TCAIM: variants seen among roughly 807,000 people sequenced by gnomAD.
The protein encoded by TCAIM is T cell activation inhibitor, mitochondrial.
In TCAIM, 36 loss-of-function variants were observed where a neutral mutation model predicts 58.6. The observed-to-expected ratio is 0.61, with a 90% CI of 0.47 to 0.81. The LOEUF is 0.81. TCAIM is among the 30% of genes least tolerant of loss of function. TCAIM has a pLI of 0.00. For missense variants in TCAIM, 466 were observed against 579.6 expected (o/e 0.80, Z 2.01); for synonymous variants, 172 against 193.6 (o/e 0.89, Z 0.93).
At chr3:44,379,917 G>A (rs572489572) in intron 5 of TCAIM, among the ~76,000 whole-genome samples, 1 of 151,986 alleles carries the variant, frequency 6.6e-6, no homozygotes, top group African/African-American at 2.4e-5. Flanking sequence ...GGAGGGAGAG[G>A]ATCAGGAACA....
chr3:44,361,481 G>C lies in TCAIM; in HGVS notation c.282G>C (p.Gln94His), dbSNP rs1478362529. The part of the protein sequence containing the change: ...QLTFYVRETD[Q>H]SSSDGQEPFS... The stretch of plus-strand genomic sequence containing the variant: ...CATTTTATGTAAGAGAAACAGACCA[G>C]AGTTCCTCCGATGGCCAGGAACCTT... The change falls in exon 4 of 11, where the codon CAG becomes CAC. Residue 94 changes from glutamine (Q) to histidine (H), a missense_variant. Physicochemically the swap from Gln to His is conservative, Grantham distance 24. Coordinates refer to ENST00000342649, the MANE Select transcript of TCAIM (RefSeq NM_173826.4). 2.1e-5 allele frequency: 34 copies of C among 1,607,618 alleles called. No individual in the cohort carries two copies. Among genetic ancestry groups the C allele is most frequent in the Non-Finnish European group, 2.9e-5 (34 of 1,177,616 alleles).
At chr3:44,388,273 A>G (rs1052560261) in intron 5 of TCAIM, among the ~76,000 whole-genome samples, 1 of 152,196 alleles carries the variant, frequency 6.6e-6, no homozygotes, top group African/African-American at 2.4e-5. Context: ...CTTTATTAGG[A>G]AAAGAAAATC....
At chr3:44,340,337 C>T (rs973582262) in intron 1 of TCAIM, 12 of 152,170 alleles carry the variant, frequency 7.9e-5, no homozygotes, top group African/African-American at 2.9e-4. Context: ...CCAAGGCCCA[C>T]GTATTTCTGT....
rs568481440 is a variant in TCAIM at position 44,371,946 on chromosome 3, A to T, written c.572+4238A>T. On this transcript the variant is annotated intron_variant, in intron 5 of 10. Coordinates refer to ENST00000342649, the MANE Select transcript of TCAIM (RefSeq NM_173826.4). ...TTTTTCAACCAAAAGCAGATTGAAA[A>T]TACCATATTCGCTCCCCAAAAACTA... 3.9e-5 allele frequency among the ~76,000 whole-genome samples: 6 copies of T among 152,070 alleles called. No individual in the cohort carries two copies. In the South Asian group the frequency reaches 1.2e-3, roughly 32 times the overall value.
chr3:44,340,975 T>G, intron 1 of TCAIM: 1 of 152,218 alleles, frequency 6.6e-6, no homozygotes, highest in East Asian at 1.9e-4. Context: ...AGTACTCGGT[T>G]TTTCATTCTT....
Position 44,392,980 on chromosome 3 carries a change from A to T in TCAIM, c.695+3A>T. 1 of 1,604,336 alleles carries T rather than the reference A, an allele frequency of 6.2e-7. No homozygotes were observed. Among genetic ancestry groups the T allele is most frequent in the Non-Finnish European group, 8.5e-7 (1 of 1,176,278 alleles). ...CAATTGCAACTCTCAGATATCAGGT[A>T]AGAAAGAAGAGAGAACCTAATTTAG... On this transcript the variant is annotated splice_donor_region_variant and intron_variant, in intron 6 of 10. Transcript: ENST00000342649.
At chr3:44,398,158 G>T (rs1031520447) in intron 8 of TCAIM, among the ~76,000 whole-genome samples, 1 of 152,144 alleles carries the variant, frequency 6.6e-6, no homozygotes, top group Non-Finnish European at 1.5e-5. Flanking sequence ...GGGCACTGTG[G>T]CTCACACCTG....
rs138091651 is a variant in TCAIM at position 44,400,467 on chromosome 3, A to T, written c.998A>T (p.Gln333Leu). ...GIQVVYIEELQPVLTLEEYYS... is the reference protein window; with the variant it reads ...GIQVVYIEELLPVLTLEEYYS... ...CAAGTTGTTTATATTGAAGAATTAC[A>T]GCCAGTATTGACACTTGAAGAATAT... The change falls in exon 9 of 11, where the codon CAG becomes CTG. Residue 333 changes from glutamine (Q) to leucine (L), a missense_variant. By Grantham distance (113) the Gln-to-Leu change is moderately radical (BLOSUM62 -2). Transcript: ENST00000342649. 6.5e-5 allele frequency: 105 copies of T among 1,613,692 alleles called. No individual in the cohort carries two copies. Among genetic ancestry groups the T allele is most frequent in the Middle Eastern group, 3.3e-4 (2 of 6,080 alleles).
In TCAIM at chr3:44,357,741, G is replaced by T. The variant is rs1559563804; in HGVS notation, c.30G>T (p.Arg10Ser). ...TAACCAGTCCACATCTTTTTAAAAG[G>T]TTATGTCTAGAGAAGATATTTCCAC... is the stretch of plus-strand genomic sequence containing the variant. MFCHLRPMRRLCLEKIFPHW... is the reference protein window; with the variant it reads MFCHLRPMRSLCLEKIFPHW... Residue 10 changes from arginine to serine, a missense_variant and splice_region_variant, in exon 3 of 11, where the codon AGG (arginine) becomes AGT (serine). Coordinates refer to ENST00000342649, the MANE Select transcript of TCAIM (RefSeq NM_173826.4). 6.2e-7 allele frequency: 1 copy of T among 1,613,896 alleles called. No homozygotes were observed. The highest frequency in any genetic ancestry group is 1.1e-5 in the South Asian group (1 of 91,028).
chr3:44,404,993 C>T (rs80336771), intron 10 of TCAIM, among the ~76,000 whole-genome samples: 42 of 152,202 alleles, frequency 2.8e-4, no homozygotes, highest in African/African-American at 1.0e-3. Context: ...AAAACCCACA[C>T]TATTCTAAGC....
chr3:44,369,568 A>G (rs1268391737), intron 5 of TCAIM, among the ~76,000 whole-genome samples: 1 of 152,234 alleles, frequency 6.6e-6, no homozygotes, highest in African/African-American at 2.4e-5. Flanking sequence ...TAGTGAAAAT[A>G]CATTGAAACT....
At chr3:44,370,379 C>T (rs1354724250) in intron 5 of TCAIM, among the ~76,000 whole-genome samples, 5 of 146,610 alleles carry the variant, frequency 3.4e-5, no homozygotes, top group Admixed American at 6.9e-5. Flanking sequence ...TCGCTTGAAC[C>T]GGGGAGGTGG....
chr3:44,341,766 C>T (rs1170580243), intron 1 of TCAIM, among the ~76,000 whole-genome samples: 1 of 152,094 alleles, frequency 6.6e-6, no homozygotes, highest in Non-Finnish European at 1.5e-5. Context: ...GGCTAAATCC[C>T]TTATGCATAT....
intron 9 of TCAIM, 80 bp downstream of exon 9, chr3:44,400,667 T>C (rs1176035656): frequency 8.4e-7 from 1 of 1,190,732 alleles, no homozygotes; most frequent in African/African-American, 1.5e-5. Flanking sequence ...AATTGTTTTG[T>C]ATTTCAATGG....
intron 6 of TCAIM, 55 bp from the exon 7 acceptor site, chr3:44,396,345 C>G: frequency 1.3e-6 from 2 of 1,505,846 alleles, no homozygotes; most frequent in South Asian, 1.2e-5. Context: ...GGTGGGTGCT[C>G]GCTCCGTCTT....
chr3:44,403,098 G>T (rs1019354267), intron 10 of TCAIM, among the ~76,000 whole-genome samples: 1 of 152,060 alleles, frequency 6.6e-6, no homozygotes, highest in Non-Finnish European at 1.5e-5. Flanking sequence ...GTGAAACGCC[G>T]TCTCTACTAA....
At chr3:44,387,390 A>G (rs1701761463) in intron 5 of TCAIM, among the ~76,000 whole-genome samples, 2 of 152,244 alleles carry the variant, frequency 1.3e-5, no homozygotes. Context: ...CTGTAACACA[A>G]ACAGGGCTGA....
At chr3:44,349,553 C>G (rs1229952256) in intron 1 of TCAIM, among the ~76,000 whole-genome samples, 4 of 152,024 alleles carry the variant, frequency 2.6e-5, no homozygotes, top group African/African-American at 4.8e-5. Flanking sequence ...ATACTTACCC[C>G]CCAGGGGAGG....
intron 1 of TCAIM, among the ~76,000 whole-genome samples, chr3:44,344,444 A>G (rs979322956): frequency 6.6e-6 from 1 of 152,232 alleles, no homozygotes; most frequent in Non-Finnish European, 1.5e-5. Context: ...AGATAGCTTA[A>G]AAACAACAGA....
Sources: gnomAD v4.1 joint callset for allele counts (sites outside exome capture counted in the v4.1 genomes callset) on GRCh38, gnomAD v4.1.1 for gene constraint, MANE v1.5 for transcripts, NCBI Gene and HGNC (gene_info 2026-07-23, HGNC 2026-07-21) for gene names.